The following RNASET2 variants were observed in gnomAD, a reference collection of about 807,000 sequenced individuals.
RNASET2 encodes the protein ribonuclease 6.
A neutral mutation model predicts 33.9 loss-of-function variants in RNASET2; 28 were observed. That is an observed-to-expected ratio of 0.83 (90% confidence interval 0.61 to 1.13). The LOEUF (loss-of-function observed/expected upper bound fraction) is 1.13, where lower values mean the gene tolerates loss of function less well. Ranked by LOEUF, RNASET2 falls within the 50% of genes most tolerant of loss-of-function variation. RNASET2 has a pLI of 0.00. For synonymous variants in RNASET2, 123 were observed against 121.0 expected (o/e 1.02, Z -0.11); for missense variants, 330 against 319.9 (o/e 1.03, Z -0.24).
intron 5 of RNASET2, among the ~76,000 whole-genome samples, chr6:166,942,291 G>A (rs897653509): frequency 2.6e-5 from 4 of 152,080 alleles, no homozygotes; most frequent in African/African-American, 9.7e-5. Context: ...GACCTCAAGT[G>A]ATCCACCTGC....
chr6:166,950,957 A>G (rs1778970180), intron 2 of RNASET2, among the ~76,000 whole-genome samples: 1 of 152,218 alleles, frequency 6.6e-6, no homozygotes, highest in African/African-American at 2.4e-5. Context: ...ACACAAGACA[A>G]AGAGACAGAA....
At chr6:166,947,587 C>T (rs1463068534) in intron 3 of RNASET2, among the ~76,000 whole-genome samples, 1 of 152,140 alleles carries the variant, frequency 6.6e-6, no homozygotes. Flanking sequence ...GGGGAGAGGA[C>T]ACCACGCAAA....
At chr6:166,946,491 G>C (rs558125847) in intron 4 of RNASET2, among the ~76,000 whole-genome samples, 191 bp downstream of exon 4, 1 of 152,332 alleles carries the variant, frequency 6.6e-6, no homozygotes, top group African/African-American at 2.4e-5. Context: ...GGGGAGGAGA[G>C]GGAAAAGGTC....
intron 4 of RNASET2, among the ~76,000 whole-genome samples, chr6:166,944,427 C>T (rs1352975368): frequency 2.6e-5 from 4 of 151,958 alleles, no homozygotes; most frequent in African/African-American, 9.7e-5. Context: ...ACCCCACAGC[C>T]CCTGCCTGTG....
chr6:166,949,242 G>A (rs571821875), intron 2 of RNASET2, among the ~76,000 whole-genome samples: 10 of 138,636 alleles, frequency 7.2e-5, no homozygotes, highest in East Asian at 2.2e-4. Flanking sequence ...AGTGGCTCAC[G>A]CCTGTAATCT....
At chr6:166,947,399 C>T (rs1479683823) in intron 3 of RNASET2, among the ~76,000 whole-genome samples, 2 of 152,212 alleles carry the variant, frequency 1.3e-5, no homozygotes, top group African/African-American at 4.8e-5. Context: ...ACCCCGACCC[C>T]TCAGAGCCCC....
intron 1 of RNASET2, chr6:166,952,936 T>A: frequency 4.4e-6 from 1 of 229,190 alleles, no homozygotes; most frequent in African/African-American, 2.2e-5. Context: ...CCTGCATTCG[T>A]GAAACCCATA....
In RNASET2 at chr6:166,938,176, T is replaced by C. The variant is rs1583220599; in HGVS notation, c.446+719A>G. On this transcript the variant is annotated intron_variant, in intron 6 of 8. Transcript: ENST00000508775. ...GGCTGTGCAATTGCCTGTCATGTTT[T>C]TCACGACTTCACTGGTTTATTATGA... Among the ~76,000 whole-genome samples the C allele has an allele frequency of 6.6e-5, 10 of 152,336 alleles. 1 individual carries two copies. The South Asian group carries it at 2.1e-3, about 32-fold the overall frequency.
rs377190367 is a variant in RNASET2, at chr6:166,955,908, C to T, written c.86+189G>A. On this transcript the variant is annotated intron_variant, in intron 1 of 8. Transcript: ENST00000508775. Reference sequence around the variant, plus strand: ...CCAACCCACTCCCTCCAGGGGTCACCCCGAGGCGTGCTCAACTTCCCAACT... The same window carrying T: ...CCAACCCACTCCCTCCAGGGGTCACTCCGAGGCGTGCTCAACTTCCCAACT... 6.6e-5 allele frequency among the ~76,000 whole-genome samples: 10 copies of T among 151,332 alleles called. No homozygotes were observed. The South Asian group carries it at 1.0e-3, about 16-fold the overall frequency.
Position 166,956,124 on chromosome 6 carries a change from C to T in RNASET2, c.59G>A (p.Cys20Tyr). The stretch of plus-strand genomic sequence containing the variant: ...CAGGCGCTTGTCCGCACCGCCCAGG[C>T]AAAGCAACGCCAGGCAGAGGCAGCC... ...LLGCLCLALL[C>Y]LGGADKRLRD... is the part of the protein sequence containing the mutation. The change falls in exon 1 of 9, where the codon TGC becomes TAC. Residue 20 changes from cysteine (C) to tyrosine (Y), a missense_variant. Transcript: ENST00000508775. The T allele has an allele frequency of 6.4e-7, 1 of 1,552,302 alleles. No homozygotes were observed. Among genetic ancestry groups the T allele is most frequent in the Non-Finnish European group, 8.7e-7 (1 of 1,147,302 alleles).
chr6:166,955,230 C>G lies in RNASET2; in HGVS notation c.86+867G>C, dbSNP rs1435502334. On this transcript the variant is annotated intron_variant, in intron 1 of 8. Coordinates refer to ENST00000508775, the MANE Select transcript of RNASET2 (RefSeq NM_003730.6). ...ACACGCACGCACACACGCGCACACA[C>G]GCACGCACGCACACACACGCACACA... 6.7e-5 allele frequency among the ~76,000 whole-genome samples: 3 copies of G among 44,998 alleles called. No individual in the cohort carries two copies. In the East Asian group the frequency reaches 4.0e-3, roughly 60 times the overall value. The allele number at this position is 44,998 out of a possible 152,430, so 29.5% of individuals were successfully genotyped here.
chr6:166,933,007 T>C lies in RNASET2; in HGVS notation c.492+1084A>G, dbSNP rs1267769950. 2 of 152,158 alleles carry C rather than the reference T, an allele frequency of 1.3e-5. No individual in the cohort carries two copies. Among genetic ancestry groups the C allele is most frequent in the South Asian group, 2.1e-4 (1 of 4,834 alleles). 9.4% of individuals were successfully genotyped at this position (152,158 alleles called of 1,614,324 possible). Reference sequence around the variant, plus strand: ...TGGCTGCACAGGTAAGCAGACACCATGAGAGCAAAGACACTGTTGCCAATT... The same window carrying C: ...TGGCTGCACAGGTAAGCAGACACCACGAGAGCAAAGACACTGTTGCCAATT... On this transcript the variant is annotated intron_variant, in intron 7 of 8. Coordinates refer to ENST00000508775, the MANE Select transcript of RNASET2 (RefSeq NM_003730.6). This position sits in a 1 kb window ranked among gnomAD's most constrained non-coding sequence, Gnocchi z 4.1.
rs767752626 is a variant in RNASET2 at position 166,922,230 on chromosome 6, A to T, written c.*7358T>A. 6.6e-6 allele frequency among the ~76,000 whole-genome samples: 1 copy of T among 152,220 alleles called. No individual in the cohort carries two copies. Among genetic ancestry groups the T allele is most frequent in the Non-Finnish European group, 1.5e-5 (1 of 68,040 alleles). On this transcript the variant is annotated 3_prime_UTR_variant, in exon 9 of 9. Coordinates refer to ENST00000508775, the MANE Select transcript of RNASET2 (RefSeq NM_003730.6). ...GGGGACATTATTATAAATGTGAAAG[A>T]AGTATCTATAAATGTGATTATGGAT...
chr6:166,946,369 G>A (rs1054581217), intron 4 of RNASET2, among the ~76,000 whole-genome samples: 3 of 152,204 alleles, frequency 2.0e-5, no homozygotes, highest in South Asian at 2.1e-4. Flanking sequence ...CGGGGCTGGC[G>A]GGCGAGCGTC....
chr6:166,938,525 C>A (rs1373568448), intron 6 of RNASET2: 2 of 535,276 alleles, frequency 3.7e-6, no homozygotes, highest in Non-Finnish European at 7.5e-6. Flanking sequence ...TACAGACTTC[C>A]AGAGTTTCCG....
chr6:166,948,665 T>C, intron 2 of RNASET2, 40 bp from the exon 3 acceptor site: 1 of 1,176,864 alleles, frequency 8.5e-7, no homozygotes, highest in Non-Finnish European at 1.3e-6. Flanking sequence ...TGGCTCTTTG[T>C]TTATTCAAAT....
At chr6:166,952,435 C>T in intron 2 of RNASET2, 53 bp downstream of exon 2, 3 of 1,514,816 alleles carry the variant, frequency 2.0e-6, no homozygotes, top group Non-Finnish European at 2.8e-6. Flanking sequence ...CACACAAACC[C>T]CTCTTCACAG....
chr6:166,949,521 A>G (rs968049503), intron 2 of RNASET2, among the ~76,000 whole-genome samples: 3 of 151,516 alleles, frequency 2.0e-5, no homozygotes, highest in South Asian at 2.1e-4. Context: ...AAAAAAAAAA[A>G]AAAAGAAAGA....
At chr6:166,946,586 C>G (rs955572690) in intron 4 of RNASET2, 96 bp downstream of exon 4, 1 of 755,452 alleles carries the variant, frequency 1.3e-6, no homozygotes, top group African/African-American at 1.7e-5. Context: ...ATTCATGACC[C>G]CTTAATTTTA....
Sources: allele counts gnomAD v4.1 joint callset (sites outside exome capture counted in the v4.1 genomes callset), GRCh38; gene constraint gnomAD v4.1.1; non-coding constraint Gnocchi (gnomAD v3.1); transcripts MANE v1.5; gene names NCBI Gene and HGNC (gene_info 2026-07-23, HGNC 2026-07-21).